The following EDARADD variants were observed in gnomAD, a reference collection of about 807,000 sequenced individuals.
EDARADD encodes ectodysplasin-A receptor-associated adapter protein.
EDARADD carries 20 observed loss-of-function variants against 25.6 expected under a neutral mutation model. The ratio of observed to expected loss-of-function variants is 0.78; its 90% CI spans 0.55 to 1.14. The LOEUF is 1.14. Ranked by LOEUF, EDARADD falls within the 50% of genes most tolerant of loss-of-function variation. The probability of loss-of-function intolerance (pLI) is 0.00; values close to 1 mark genes in which losing one functional copy is unlikely to be tolerated. For missense variants in EDARADD, 225 were observed against 270.1 expected (o/e 0.83, Z 1.17); for synonymous variants, 86 against 94.4 (o/e 0.91, Z 0.52).
Position 236,395,629 on chromosome 1 carries a change from C to A in EDARADD, c.61+1124C>A, listed in dbSNP as rs774958692. On this transcript the variant is annotated intron_variant, in intron 1 of 5. Transcript: ENST00000334232. This position sits in a 1 kb window ranked among gnomAD's most constrained non-coding sequence, Gnocchi z 6.9. ...CGCTCGTTTGCCCCTAACCCGCCGC[C>A]ATGGCTTCACCGGACGACCCTCTGC... The A allele has an allele frequency of 6.4e-7, 1 of 1,573,290 alleles. No homozygotes were observed. The highest frequency in any genetic ancestry group is 1.2e-5 in the South Asian group (1 of 86,038).
rs188836217 is a variant in EDARADD, at chr1:236,403,142, G to A, written c.62-6074G>A. The stretch of plus-strand genomic sequence containing the variant: ...GGCTAATTTTTGTATTTTTAGTAGA[G>A]ATGGGGTTTCACCATGTTGGCCAGG... On this transcript the variant is annotated intron_variant, in intron 1 of 5. Transcript: ENST00000334232. Among the ~76,000 whole-genome samples, 907 of 152,176 alleles carry A rather than the reference G, an allele frequency of 6.0e-3. 15 individuals are homozygous for A. The highest frequency in any genetic ancestry group is 0.021 in the African/African-American group (852 of 41,518).
At chr1:236,405,790 T>C (rs1420331559) in intron 1 of EDARADD, among the ~76,000 whole-genome samples, 11 of 49,564 alleles carry the variant, frequency 2.2e-4, no homozygotes, top group South Asian at 6.6e-4. Flanking sequence ...TCTTTCTTTC[T>C]TTTCTTTTTC....
intron 4 of EDARADD, among the ~76,000 whole-genome samples, chr1:236,458,344 G>T (rs1349004541): frequency 7.2e-6 from 1 of 138,598 alleles, no homozygotes; most frequent in East Asian, 2.0e-4. Context: ...AGAAGAGAGA[G>T]TCCTGGCCTT....
At chr1:236,442,537 C>T (rs1658429011) in intron 4 of EDARADD, among the ~76,000 whole-genome samples, 1 of 152,196 alleles carries the variant, frequency 6.6e-6, no homozygotes, top group Admixed American at 6.5e-5. Context: ...GTTAATGCAG[C>T]CGATGACCTT....
At chr1:236,458,967 A>G (rs936248765) in intron 4 of EDARADD, among the ~76,000 whole-genome samples, 1 of 152,180 alleles carries the variant, frequency 6.6e-6, no homozygotes, top group African/African-American at 2.4e-5. Flanking sequence ...CAAAGAAAAA[A>G]TAATAGAGTA....
At position 236,482,702 on chromosome 1, in the gene EDARADD, C is replaced by A; in HGVS notation, c.*53C>A. 2 of 1,605,252 alleles carry A rather than the reference C, an allele frequency of 1.2e-6. No homozygotes were observed. Among genetic ancestry groups the A allele is most frequent in the South Asian group, 2.2e-5 (2 of 90,800 alleles). ...TCCGGATGTTGAAACAACCACAGGT[C>A]AAGAAGGAATGTGAATCTGTTGTTT... On this transcript the variant is annotated 3_prime_UTR_variant, in exon 6 of 6. Coordinates refer to ENST00000334232, the MANE Select transcript of EDARADD (RefSeq NM_145861.4).
At chr1:236,471,047 C>A (rs1659346734) in intron 5 of EDARADD, among the ~76,000 whole-genome samples, 1 of 152,212 alleles carries the variant, frequency 6.6e-6, no homozygotes, top group African/African-American at 2.4e-5. Flanking sequence ...CCAGCCCAAC[C>A]TGGGTCCTTT....
At chr1:236,438,867 T>C (rs969352658) in intron 4 of EDARADD, among the ~76,000 whole-genome samples, 2 of 152,142 alleles carry the variant, frequency 1.3e-5, no homozygotes, top group African/African-American at 2.4e-5. Flanking sequence ...AAAGTTCAAA[T>C]TGGTTTAAAT....
intron 3 of EDARADD, among the ~76,000 whole-genome samples, chr1:236,424,569 T>G (rs1657862908): frequency 6.6e-6 from 1 of 152,160 alleles, no homozygotes; most frequent in Non-Finnish European, 1.5e-5. Flanking sequence ...CTGCTCATAT[T>G]GATAAATTTC....
intron 1 of EDARADD, among the ~76,000 whole-genome samples, chr1:236,405,915 TTCTTTCTTTCTCTTTCC>T: frequency 1.7e-5 from 1 of 59,422 alleles, no homozygotes; most frequent in Non-Finnish European, 3.8e-5. Context: ...CTTTCTTTCT[TTCTTTCTTTCTCTTTCC>T]TTTTTTTTTT....
At chr1:236,378,585 G>A (rs1667253565) in intron 3 of EDARADD, among the ~76,000 whole-genome samples, 1 of 152,146 alleles carries the variant, frequency 6.6e-6, no homozygotes, top group Non-Finnish European at 1.5e-5. Context: ...AGTGTGTGGA[G>A]CTTTGTACTT....
intron 5 of EDARADD, among the ~76,000 whole-genome samples, chr1:236,472,844 C>T (rs1659393151): frequency 6.6e-6 from 1 of 152,132 alleles, no homozygotes; most frequent in African/African-American, 2.4e-5. Flanking sequence ...CACACATCTG[C>T]ATGGGGTTAG....
In EDARADD at chr1:236,427,896, T is replaced by C. The variant is rs1024450567; in HGVS notation, c.219+446T>C. The stretch of plus-strand genomic sequence containing the variant: ...CTATTATCTTTTTCCAAAAAGGAAA[T>C]ATGTTTATTGTTTTATGATTATAAA... On this transcript the variant is annotated intron_variant, in intron 4 of 5. Coordinates refer to ENST00000334232, the MANE Select transcript of EDARADD (RefSeq NM_145861.4). Among the ~76,000 whole-genome samples the C allele has an allele frequency of 2.2e-4, 33 of 151,858 alleles. 1 individual carries two copies. The highest frequency in any genetic ancestry group is 7.7e-4 in the African/African-American group (32 of 41,442).
At chr1:236,452,339 G>T (rs1658735469) in intron 4 of EDARADD, among the ~76,000 whole-genome samples, 1 of 152,170 alleles carries the variant, frequency 6.6e-6, no homozygotes, top group Non-Finnish European at 1.5e-5. Context: ...GTGGCTCTGT[G>T]TCCCCACCCA....
Position 236,447,492 on chromosome 1 carries a change from C to T in EDARADD, c.219+20042C>T, listed in dbSNP as rs191810169. On this transcript the variant is annotated intron_variant, in intron 4 of 5. Transcript: ENST00000334232. ...GCTGGTCACACATGTACCTCTTACC[C>T]TTCATTTGCATGTCCTCCCGCCATC... Among the ~76,000 whole-genome samples the T allele has an allele frequency of 1.2e-3, 183 of 152,052 alleles. 1 individual carries two copies. The highest frequency in any genetic ancestry group is 4.2e-3 in the African/African-American group (176 of 41,462).
chr1:236,479,033 G>A (rs1048570824), intron 5 of EDARADD, among the ~76,000 whole-genome samples: 1 of 152,160 alleles, frequency 6.6e-6, no homozygotes, highest in African/African-American at 2.4e-5. Flanking sequence ...TGGGAAGGGG[G>A]TGAAGGATAA....
chr1:236,385,449 C>T (rs1667341987), intron 3 of EDARADD, among the ~76,000 whole-genome samples: 1 of 140,832 alleles, frequency 7.1e-6, no homozygotes, highest in Admixed American at 7.4e-5. Context: ...CCAGGCTGGG[C>T]ATAGTGGCTC....
At position 236,447,237 on chromosome 1, in the gene EDARADD, TCTTTCCTTTCTTTC is replaced by T. The variant is rs1490642826; in HGVS notation, c.219+19793_219+19806del. Among the ~76,000 whole-genome samples, 175 of 135,588 alleles carry T rather than the reference TCTTTCCTTTCTTTC, an allele frequency of 1.3e-3. 5 individuals carry two copies. The highest frequency in any genetic ancestry group is 5.1e-3 in the African/African-American group (162 of 31,546). The allele number at this position is 135,588 out of a possible 152,430, so 89.0% of individuals were successfully genotyped here. On this transcript the variant is annotated intron_variant, in intron 4 of 5. Coordinates refer to ENST00000334232, the MANE Select transcript of EDARADD (RefSeq NM_145861.4). ...CTTTCTTTCTTTCCTTTCTTTCCTT[TCTTTCCTTTCTTTC>T]CTTTCTTTCTTTCTTTCTTTCTTCT... is the stretch of plus-strand genomic sequence containing the variant.
chr1:236,382,914 G>A (rs999824347), intron 3 of EDARADD, among the ~76,000 whole-genome samples: 6 of 152,124 alleles, frequency 3.9e-5, no homozygotes, highest in Non-Finnish European at 8.8e-5. Context: ...TAAGTGTTCT[G>A]CTGGGTCCTC....
Sources: gnomAD v4.1 joint callset for allele counts (sites outside exome capture counted in the v4.1 genomes callset) on GRCh38, gnomAD v4.1.1 for gene constraint, Gnocchi (gnomAD v3.1) non-coding constraint, MANE v1.5 for transcripts, NCBI Gene and HGNC (gene_info 2026-07-23, HGNC 2026-07-21) for gene names.